RAD54L2: variants seen among roughly 807,000 people sequenced by gnomAD.
RAD54L2 encodes RAD54 like 2.
A neutral mutation model predicts 138.4 loss-of-function variants in RAD54L2; 27 were observed. The ratio of observed to expected loss-of-function variants is 0.20; its 90% CI spans 0.14 to 0.27. The LOEUF (loss-of-function observed/expected upper bound fraction) is 0.27. RAD54L2 is among the 10% of genes least tolerant of loss of function. The pLI, the probability that RAD54L2 is intolerant of heterozygous loss-of-function variation, is 1.00. For synonymous variants in RAD54L2, 644 were observed against 723.2 expected (o/e 0.89, Z 1.76); for missense variants, 1,396 against 1,890.2 (o/e 0.74, Z 4.85).
intron 7 of RAD54L2, 61 bp from the exon 8 acceptor site, chr3:51,633,516 G>C (rs1008958108): frequency 5.3e-6 from 8 of 1,496,316 alleles, no homozygotes; most frequent in East Asian, 2.3e-5. Flanking sequence ...TACAAAGTGA[G>C]TAAAAACTGG....
chr3:51,637,351 C>T lies in RAD54L2; in HGVS notation c.1530C>T (p.Arg510=), dbSNP rs1701008270. Residue 510 remains arginine (R), a synonymous_variant, in exon 11 of 23, where the codon CGC becomes CGT. Transcript: ENST00000684192. The surrounding 1 kb of genome is among the most constrained non-coding windows in gnomAD (Gnocchi z 5.9). ...IEYWCMVDFV[R]PDFLGTRQEF... is the part of the protein sequence containing the mutation. ...ACTGGTGCATGGTGGACTTTGTGCG[C>T]CCAGACTTCCTTGGCACCCGGCAGG... The T allele has an allele frequency of 1.8e-5, 29 of 1,613,546 alleles. No individual in the cohort carries two copies. The highest frequency in any genetic ancestry group is 2.5e-5 in the Non-Finnish European group (29 of 1,179,812).
intron 19 of RAD54L2, among the ~76,000 whole-genome samples, chr3:51,649,039 G>A (rs1052997461): frequency 5.9e-5 from 9 of 152,000 alleles, no homozygotes; most frequent in African/African-American, 1.9e-4. Context: ...CCATTGCAAG[G>A]AAGCTAAAAA....
intron 19 of RAD54L2, among the ~76,000 whole-genome samples, chr3:51,655,251 C>G (rs1002553355): frequency 7.9e-5 from 12 of 151,844 alleles, no homozygotes; most frequent in African/African-American, 2.7e-4. Context: ...AAGATGCAGA[C>G]TTCAGAAAGC....
intron 2 of RAD54L2, among the ~76,000 whole-genome samples, chr3:51,564,758 T>C (rs1306803250): frequency 6.6e-6 from 1 of 152,176 alleles, no homozygotes; most frequent in African/African-American, 2.4e-5. Context: ...CTCTGTTTAT[T>C]TTTTTAATTT....
chr3:51,576,969 C>T (rs913896100), intron 2 of RAD54L2, among the ~76,000 whole-genome samples: 2 of 152,142 alleles, frequency 1.3e-5, no homozygotes, highest in Non-Finnish European at 2.9e-5. Flanking sequence ...CCTGCTTTCT[C>T]TTGTGGGCAT....
chr3:51,589,081 C>T (rs529551339), intron 2 of RAD54L2, among the ~76,000 whole-genome samples: 2 of 152,128 alleles, frequency 1.3e-5, no homozygotes, highest in Non-Finnish European at 2.9e-5. Flanking sequence ...ATAGCACCTG[C>T]GATTATATAC....
At chr3:51,625,106 C>T (rs1700650328) in intron 3 of RAD54L2, among the ~76,000 whole-genome samples, 1 of 152,028 alleles carries the variant, frequency 6.6e-6, no homozygotes, top group Non-Finnish European at 1.5e-5. Context: ...ACTACATACT[C>T]ATAGAAAAAA....
At position 51,637,706 on chromosome 3, in the gene RAD54L2, T is replaced by C. The variant is rs1454597330; in HGVS notation, c.1682+203T>C. ...CTCTGAAAGTTTGGCCTAGAAGTGC[T>C]TCTCTCAAAAGTTATCTTTAAAGGT... On this transcript the variant is annotated intron_variant, in intron 11 of 22. Transcript: ENST00000684192. This position sits in a 1 kb window ranked among gnomAD's most constrained non-coding sequence, Gnocchi z 5.9. 4.6e-5 allele frequency among the ~76,000 whole-genome samples: 7 copies of C among 152,240 alleles called. No individual in the cohort carries two copies. Among genetic ancestry groups the C allele is most frequent in the Non-Finnish European group, 1.0e-4 (7 of 68,042 alleles).
At chr3:51,655,943 T>A (rs1373758072) in intron 19 of RAD54L2, 28 bp from the exon 20 acceptor site, 1 of 1,571,606 alleles carries the variant, frequency 6.4e-7, no homozygotes, top group African/African-American at 1.4e-5. Context: ...TGCCAAACTC[T>A]TTTAGTGTCC....
At chr3:51,560,286 C>T (rs1175719200) in intron 2 of RAD54L2, among the ~76,000 whole-genome samples, 2 of 151,818 alleles carry the variant, frequency 1.3e-5, no homozygotes, top group Non-Finnish European at 1.5e-5. Flanking sequence ...GTGTCTTTTA[C>T]TCTTTTATTG....
intron 3 of RAD54L2, among the ~76,000 whole-genome samples, chr3:51,595,270 G>T (rs1207659352): frequency 1.4e-4 from 22 of 152,152 alleles, no homozygotes; most frequent in Admixed American, 1.4e-3. Flanking sequence ...GATCAGTTAG[G>T]TCTGTAGTAG....
intron 2 of RAD54L2, among the ~76,000 whole-genome samples, chr3:51,563,629 G>T (rs1007545908): frequency 6.6e-6 from 1 of 152,328 alleles, no homozygotes; most frequent in East Asian, 1.9e-4. Context: ...ATCAGGGTCA[G>T]TAGTTAGAAA....
At chr3:51,596,517 A>C (rs987752836) in intron 3 of RAD54L2, among the ~76,000 whole-genome samples, 1 of 152,118 alleles carries the variant, frequency 6.6e-6, no homozygotes, top group Non-Finnish European at 1.5e-5. Flanking sequence ...CAAGAGCTTC[A>C]TGTTTCTTAT....
intron 2 of RAD54L2, among the ~76,000 whole-genome samples, chr3:51,567,879 C>G (rs1338381977): frequency 6.7e-6 from 1 of 149,344 alleles, no homozygotes; most frequent in Non-Finnish European, 1.5e-5. Context: ...TAGGTCGAGG[C>G]TGCAGTGAGC....
chr3:51,595,228 C>T (rs1699935836), intron 3 of RAD54L2, among the ~76,000 whole-genome samples: 1 of 152,162 alleles, frequency 6.6e-6, no homozygotes, highest in Non-Finnish European at 1.5e-5. Context: ...TACTCTAGCA[C>T]TGTATCAAAG....
intron 14 of RAD54L2, among the ~76,000 whole-genome samples, chr3:51,641,215 A>T (rs1701125808): frequency 3.9e-5 from 6 of 152,168 alleles, no homozygotes. Flanking sequence ...CATGTTGGCC[A>T]GATTGGTCTC....
intron 3 of RAD54L2, among the ~76,000 whole-genome samples, chr3:51,594,860 CTTTTTTTTTTTTTTT>C (rs71278623): frequency 2.7e-3 from 90 of 33,600 alleles, no homozygotes; most frequent in South Asian, 6.0e-3. Flanking sequence ...TTGATGGGCG[CTTTTTTTTTTTTTTT>C]TTTTTTTTTT....
intron 3 of RAD54L2, among the ~76,000 whole-genome samples, chr3:51,624,586 T>C (rs545342792): frequency 2.0e-3 from 310 of 152,208 alleles, no homozygotes; most frequent in Non-Finnish European, 3.5e-3. Flanking sequence ...GGCTATCTTA[T>C]AAAATCATCA....
At chr3:51,578,321 G>A (rs1266352505) in intron 2 of RAD54L2, among the ~76,000 whole-genome samples, 2 of 152,140 alleles carry the variant, frequency 1.3e-5, no homozygotes, top group East Asian at 1.9e-4. Flanking sequence ...ACATTCTAGG[G>A]AACAATGCTG....
Sources: allele counts gnomAD v4.1 joint callset (sites outside exome capture counted in the v4.1 genomes callset), GRCh38; gene constraint gnomAD v4.1.1; non-coding constraint Gnocchi (gnomAD v3.1); transcripts MANE v1.5; gene names NCBI Gene and HGNC (gene_info 2026-07-23, HGNC 2026-07-21).